The following NEIL2 variants were observed in gnomAD, a reference collection of about 807,000 sequenced individuals.
The protein encoded by NEIL2 is endonuclease 8-like 2.
In NEIL2, 23 loss-of-function variants were observed where a neutral mutation model predicts 22.2. The observed-to-expected ratio is 1.04, with a 90% CI of 0.75 to 1.47. The LOEUF is 1.47. NEIL2 is among the 40% of genes most tolerant of loss of function. NEIL2 has a pLI of 0.00. For synonymous variants in NEIL2, 229 were observed against 164.8 expected, an observed-to-expected ratio of 1.39 and a Z score of -2.99; for missense variants, 583 against 404.7, an observed-to-expected ratio of 1.44 and a Z score of -3.78.
Position 11,785,993 on chromosome 8 carries a change from G to A in NEIL2, c.719G>A (p.Arg240Lys). 6.2e-7 allele frequency: 1 copy of A among 1,614,120 alleles called. No homozygotes were observed. Among genetic ancestry groups the A allele is most frequent in the Non-Finnish European group, 8.5e-7 (1 of 1,180,028 alleles). Residue 240 changes from arginine to lysine, a missense_variant, in exon 5 of 5, where the codon AGA becomes AAA. Arg to Lys is a conservative substitution (Grantham distance 26). Coordinates refer to ENST00000284503, the MANE Select transcript of NEIL2 (RefSeq NM_145043.4). ...ATCATTAAGAATGAAGCCTTGTACA[G>A]AGCTGGGATCCATCCCCTTTCTCTC... ...GNIIKNEALY[R>K]AGIHPLSLGS...
chr8:11,783,249 T>C lies in NEIL2; in HGVS notation c.538T>C (p.Cys180Arg), dbSNP rs201335395. 1 of 1,614,238 alleles carries C rather than the reference T, an allele frequency of 6.2e-7. No homozygotes were observed. The highest frequency in any genetic ancestry group is 8.5e-7 in the Non-Finnish European group (1 of 1,180,036). ...GGGGFLAFYN[C>R]QLSWSSSPVV... is the part of the protein sequence containing the mutation. Reference sequence around the variant, plus strand: ...TGGTGGCTTCCTGGCATTTTATAATTGTCAGTTGTCTTGGAGCTCTTCCCC... The same window carrying C: ...TGGTGGCTTCCTGGCATTTTATAATCGTCAGTTGTCTTGGAGCTCTTCCCC... Residue 180 changes from cysteine (C) to arginine (R), a missense_variant, in exon 4 of 5, where the codon TGT becomes CGT. Coordinates refer to ENST00000284503, the MANE Select transcript of NEIL2 (RefSeq NM_145043.4).
intron 3 of NEIL2, 111 bp downstream of exon 3, chr8:11,780,061 C>G (rs1236167698): frequency 7.8e-6 from 7 of 900,390 alleles, no homozygotes; most frequent in African/African-American, 4.9e-5. Flanking sequence ...AGTCTGCCCC[C>G]CAGGGCCCTG....
At position 11,778,961 on chromosome 8, in the gene NEIL2, A is replaced by AAAAAAT. The variant is rs1804151310; in HGVS notation, c.139-633_139-632insATAAAA. The stretch of plus-strand genomic sequence containing the variant: ...TCCATCTGAAAAAAAAAAAAAAAAA[A>AAAAAAT]AAAAGACAGCAGAACATCCTTTAAC... On this transcript the variant is annotated intron_variant, in intron 2 of 4. Coordinates refer to ENST00000284503, the MANE Select transcript of NEIL2 (RefSeq NM_145043.4). Among the ~76,000 whole-genome samples the AAAAAAT allele has an allele frequency of 2.0e-5, 3 of 150,632 alleles. No individual in the cohort carries two copies. In the South Asian group the frequency reaches 6.3e-4, roughly 32 times the overall value.
chr8:11,786,596 GTGCTCCCAACATAGCTT>G lies in NEIL2; in HGVS notation c.*327_*343del, dbSNP rs1804978822. On this transcript the variant is annotated 3_prime_UTR_variant, in exon 5 of 5. Transcript: ENST00000284503. ...AAAAGAAAGCCTATGGGAAATGGCT[GTGCTCCCAACATAGCTT>G]TGCAGATGATGTGGGTTTTTTTTTT... The G allele has an allele frequency of 5.1e-6, 2 of 390,118 alleles. No individual in the cohort carries two copies. The highest frequency in any genetic ancestry group is 9.6e-6 in the Non-Finnish European group (2 of 208,934). The allele number at this position is 390,118 out of a possible 1,614,324, so 24.2% of individuals were successfully genotyped here.
intron 2 of NEIL2, among the ~76,000 whole-genome samples, chr8:11,778,986 C>G (rs2130493521): frequency 1.5e-5 from 2 of 129,068 alleles, no homozygotes; most frequent in East Asian, 4.9e-4. Flanking sequence ...CATCCTTTAA[C>G]ACACATTTTC....
chr8:11,771,043 G>C (rs8191527), intron 1 of NEIL2, among the ~76,000 whole-genome samples: 9 of 152,264 alleles, frequency 5.9e-5, no homozygotes, highest in Admixed American at 3.3e-4. Flanking sequence ...GCTGTTTTTT[G>C]AGAGCGGGAG....
intron 2 of NEIL2, among the ~76,000 whole-genome samples, chr8:11,777,767 A>G (rs933311565): frequency 2.6e-5 from 4 of 152,256 alleles, no homozygotes; most frequent in African/African-American, 9.6e-5. Context: ...AGACTGCATA[A>G]TTTATAAGCA....
intron 2 of NEIL2, among the ~76,000 whole-genome samples, chr8:11,778,106 C>T (rs539172046): frequency 1.3e-5 from 2 of 152,312 alleles, no homozygotes; most frequent in Non-Finnish European, 1.5e-5. Context: ...AAAAGAGGGA[C>T]AGCAGAAATT....
chr8:11,779,737 G>C lies in NEIL2; in HGVS notation c.278G>C (p.Ser93Thr), dbSNP rs1336974776. ...AADPKQVGEP[S>T]GQKTLDGSSR... ...GACCCAAAGCAGGTCGGGGAGCCCA[G>C]CGGGCAGAAGACCCTTGATGGATCC... Residue 93 changes from serine to threonine, a missense_variant, in exon 3 of 5, where the codon AGC becomes ACC. Transcript: ENST00000284503. 6.2e-7 allele frequency: 1 copy of C among 1,614,232 alleles called. No individual in the cohort carries two copies. Among genetic ancestry groups the C allele is most frequent in the South Asian group, 1.1e-5 (1 of 91,088 alleles).
At chr8:11,785,064 C>G (rs1024768423) in intron 4 of NEIL2, among the ~76,000 whole-genome samples, 6 of 152,170 alleles carry the variant, frequency 3.9e-5, no homozygotes, top group African/African-American at 1.4e-4. Flanking sequence ...AGACAAGAAG[C>G]TCTCACTGTG....
intron 2 of NEIL2, among the ~76,000 whole-genome samples, chr8:11,778,659 T>G (rs1292535388): frequency 1.2e-4 from 18 of 151,906 alleles, no homozygotes; most frequent in Admixed American, 1.2e-3. Flanking sequence ...GAAAATAAAG[T>G]CAAAGCAAGG....
chr8:11,771,565 C>A lies in NEIL2; in HGVS notation c.118C>A (p.Leu40Met). 2 of 1,614,066 alleles carry A rather than the reference C, an allele frequency of 1.2e-6. No homozygotes were observed. The highest frequency in any genetic ancestry group is 1.7e-6 in the Non-Finnish European group (2 of 1,180,000). ...KKLQPASLQS[L>M]WLQDTQVHGK... ...GCTACAGCCCGCCAGCCTGCAGTCT[C>A]TGTGGCTCCAGGACACCCAGGTGAG... The change falls in exon 2 of 5, where the codon CTG (leucine) becomes ATG (methionine). Residue 40 changes from leucine (L) to methionine (M), a missense_variant. By Grantham distance (15) the Leu-to-Met change is conservative. Coordinates refer to ENST00000284503, the MANE Select transcript of NEIL2 (RefSeq NM_145043.4).
chr8:11,785,186 G>A (rs575534784), intron 4 of NEIL2, among the ~76,000 whole-genome samples: 1 of 151,324 alleles, frequency 6.6e-6, no homozygotes, highest in East Asian at 1.9e-4. Context: ...TTGACATTTT[G>A]TTTTTAATTT....
Position 11,785,959 on chromosome 8 carries a change from T to G in NEIL2, c.689-4T>G, listed in dbSNP as rs533313881. ...TTCCCTTACCTTCCCCCGCTTTATT[T>G]CAGGGAACATCATTAAGAATGAAGC... On this transcript the variant is annotated splice_region_variant and splice_polypyrimidine_tract_variant and intron_variant, in intron 4 of 4. Coordinates refer to ENST00000284503, the MANE Select transcript of NEIL2 (RefSeq NM_145043.4). 7.4e-6 allele frequency: 12 copies of G among 1,613,698 alleles called. No individual in the cohort carries two copies. The East Asian group carries it at 2.7e-4, about 36-fold the overall frequency.
At chr8:11,775,338 C>T (rs28808627) in intron 2 of NEIL2, among the ~76,000 whole-genome samples, 29 of 152,182 alleles carry the variant, frequency 1.9e-4, no homozygotes, top group African/African-American at 7.0e-4. Flanking sequence ...CTGGGTTGTA[C>T]ATTGGCGCTT....
rs1554508759 is a variant in NEIL2, at chr8:11,786,628, G to GCTTTTTTTTT, written c.*355_*356insCTTTTTTTTT. On this transcript the variant is annotated 3_prime_UTR_variant, in exon 5 of 5. Coordinates refer to ENST00000284503, the MANE Select transcript of NEIL2 (RefSeq NM_145043.4). Reference sequence around the variant, plus strand: ...CAACATAGCTTTGCAGATGATGTGGGTTTTTTTTTTTTTTTTGGTTGTTTG... The same window carrying GCTTTTTTTTT: ...CAACATAGCTTTGCAGATGATGTGGGCTTTTTTTTTTTTTTTTTTTTTTTTTGGTTGTTTG... 4.8e-6 allele frequency: 1 copy of GCTTTTTTTTT among 207,160 alleles called. No homozygotes were observed. The highest frequency in any genetic ancestry group is 9.4e-6 in the Non-Finnish European group (1 of 106,508). 12.8% of individuals were successfully genotyped at this position (207,160 alleles called of 1,614,324 possible).
chr8:11,785,108 A>G (rs758893253), intron 4 of NEIL2, among the ~76,000 whole-genome samples: 1 of 152,126 alleles, frequency 6.6e-6, no homozygotes, highest in Non-Finnish European at 1.5e-5. Context: ...GTGGGCTTAA[A>G]TGATCCTCCT....
Position 11,781,107 on chromosome 8 carries a change from A to T in NEIL2, c.491+1157A>T, listed in dbSNP as rs1358923216. Among the ~76,000 whole-genome samples, 7 of 152,216 alleles carry T rather than the reference A, an allele frequency of 4.6e-5. 1 individual carries two copies. The highest frequency in any genetic ancestry group is 1.7e-4 in the African/African-American group (7 of 41,458). On this transcript the variant is annotated intron_variant, in intron 3 of 4. Transcript: ENST00000284503. ...AAAGGCCCCTTCTGCCCCCAGAGAA[A>T]GTCACATGCCTTCTATTTTCTGAAG...
rs1804593931 is a variant in NEIL2 at position 11,783,210 on chromosome 8, C to T, written c.499C>T (p.Leu167=). ...CCTGTTCTTTCTTCCCAGGTTGGTC[C>T]TGCACTTTGGTGGTGGTGGCTTCCT... ...DWRDPSPRLV[L]HFGGGGFLAF... Residue 167 remains leucine, a synonymous_variant, in exon 4 of 5, where the codon CTG becomes TTG. Transcript: ENST00000284503. 1 of 1,614,224 alleles carries T rather than the reference C, an allele frequency of 6.2e-7. No homozygotes were observed. Among genetic ancestry groups the T allele is most frequent in the East Asian group, 2.2e-5 (1 of 44,888 alleles).
Sources: gnomAD v4.1 joint callset for allele counts (sites outside exome capture counted in the v4.1 genomes callset) on GRCh38, gnomAD v4.1.1 for gene constraint, MANE v1.5 for transcripts, NCBI Gene and HGNC (gene_info 2026-07-23, HGNC 2026-07-21) for gene names.